The following UNC93A variants were observed in gnomAD, a reference collection of about 807,000 sequenced individuals.
UNC93A encodes N-acetylglucosamine transporter UNC93A.
UNC93A carries 43 observed loss-of-function variants against 47.5 expected under a neutral mutation model. The ratio of observed to expected loss-of-function variants is 0.91; its 90% CI spans 0.71 to 1.17. The LOEUF (loss-of-function observed/expected upper bound fraction) is 1.17, where lower values mean the gene tolerates loss of function less well. UNC93A is among the 50% of genes most tolerant of loss of function. UNC93A has a pLI of 0.00. For synonymous variants in UNC93A, 280 were observed against 258.0 expected, an observed-to-expected ratio of 1.09 and a Z score of -0.82; for missense variants, 605 against 577.6, an observed-to-expected ratio of 1.05 and a Z score of -0.49.
At chr6:167,277,321 C>A (rs111818920) in intron 1 of UNC93A, among the ~76,000 whole-genome samples, 1 of 152,228 alleles carries the variant, frequency 6.6e-6, no homozygotes, top group Non-Finnish European at 1.5e-5. Flanking sequence ...CCTGCCTTGG[C>A]GACCTACCCT....
chr6:167,278,467 C>CT (rs1783579592), intron 1 of UNC93A, among the ~76,000 whole-genome samples: 2 of 152,206 alleles, frequency 1.3e-5, no homozygotes, highest in Admixed American at 1.3e-4. Context: ...CTGCTGGGAT[C>CT]ATGAGGACCC....
intron 1 of UNC93A, among the ~76,000 whole-genome samples, chr6:167,283,261 T>C (rs999567128): frequency 6.6e-6 from 1 of 152,220 alleles, no homozygotes; most frequent in African/African-American, 2.4e-5. Context: ...TGTCATGTGA[T>C]GCTATAATAG....
chr6:167,292,656 G>A (rs1016797103), intron 1 of UNC93A, among the ~76,000 whole-genome samples: 2 of 152,186 alleles, frequency 1.3e-5, no homozygotes, highest in Non-Finnish European at 1.5e-5. Context: ...TTGCCGCAAT[G>A]GTTCATTACT....
At chr6:167,308,863 G>T (rs1778477724) in intron 7 of UNC93A, among the ~76,000 whole-genome samples, 1 of 152,136 alleles carries the variant, frequency 6.6e-6, no homozygotes, top group Non-Finnish European at 1.5e-5. Context: ...GAGCCGGGAG[G>T]GCTGGTTGTC....
At chr6:167,293,149 G>A (rs1368353107) in intron 1 of UNC93A, among the ~76,000 whole-genome samples, 1 of 152,138 alleles carries the variant, frequency 6.6e-6, no homozygotes, top group East Asian at 1.9e-4. Flanking sequence ...GTGCCTCATT[G>A]GGGAATCACT....
upstream of UNC93A, among the ~76,000 whole-genome samples, chr6:167,287,431 T>G (rs1783757036): frequency 6.6e-6 from 1 of 152,152 alleles, no homozygotes; most frequent in East Asian, 1.9e-4. Flanking sequence ...ACTTCTTCTC[T>G]CCATGGGAAT....
chr6:167,315,063 T>C (rs1778653999), intron 7 of UNC93A, 124 bp from the exon 8 acceptor site: 3 of 1,409,856 alleles, frequency 2.1e-6, no homozygotes, highest in South Asian at 1.4e-5. Context: ...CATTCTGTTG[T>C]GAAAAAAGAA....
intron 1 of UNC93A, among the ~76,000 whole-genome samples, chr6:167,275,441 G>T (rs1783523301): frequency 6.6e-6 from 1 of 152,216 alleles, no homozygotes; most frequent in Non-Finnish European, 1.5e-5. Context: ...GTTTCCAGGA[G>T]CTGGCACTCT....
chr6:167,315,299 G>A lies in UNC93A; in HGVS notation c.1221G>A (p.Val407=), dbSNP rs1456882653. 1 of 1,613,686 alleles carries A rather than the reference G, an allele frequency of 6.2e-7. No individual in the cohort carries two copies. Among genetic ancestry groups the A allele is most frequent in the Non-Finnish European group, 8.5e-7 (1 of 1,179,834 alleles). The change falls in exon 8 of 8, where the codon GTG becomes GTA. Residue 407 remains valine, a synonymous_variant. Transcript: ENST00000230256. ...IAFGYSMFLC[V]HVKLYILLGV... is the part of the protein sequence containing the mutation. ...TCGGGTACAGCATGTTTTTGTGCGT[G>A]CACGTCAAGCTCTACATTCTGCTGG... is the stretch of plus-strand genomic sequence containing the variant.
rs559719152 is a variant in UNC93A, at chr6:167,298,665, G to T, written c.625+595G>T. On this transcript the variant is annotated intron_variant, in intron 4 of 7. Coordinates refer to ENST00000230256, the MANE Select transcript of UNC93A (RefSeq NM_018974.4). ...AAGGGCTGCCCAAAGGAAGTTAATT[G>T]TCATGACGAGGCTCATTCTTAGAAG... Among the ~76,000 whole-genome samples, 42 of 152,122 alleles carry T rather than the reference G, an allele frequency of 2.8e-4. 1 individual carries two copies. The highest frequency in any genetic ancestry group is 1.0e-3 in the African/African-American group (42 of 41,480).
intron 1 of UNC93A, among the ~76,000 whole-genome samples, chr6:167,272,295 C>T (rs1219871039): frequency 6.6e-6 from 1 of 152,196 alleles, no homozygotes; most frequent in East Asian, 1.9e-4. Context: ...GGCAGACGTG[C>T]AGGTGGCACA....
At position 167,279,213 on chromosome 6, in the gene UNC93A, CTT is replaced by C. The variant is rs548461979; in HGVS notation, c.-52+7757_-52+7758del. Among the ~76,000 whole-genome samples the C allele has an allele frequency of 3.2e-3, 493 of 152,254 alleles. 5 individuals carry two copies. The highest frequency in any genetic ancestry group is 0.012 in the African/African-American group (479 of 41,528). On this transcript the variant is annotated intron_variant, in intron 1 of 3. Coordinates refer to the UNC93A transcript ENST00000503433. ...GTTGTCTTTGAACTATTTTACAACT[CTT>C]TGAGAATTGCAGGTAACTGACGGAG... is the stretch of plus-strand genomic sequence containing the variant.
chr6:167,305,857 G>A, intron 5 of UNC93A, 58 bp from the exon 6 acceptor site: 2 of 1,610,890 alleles, frequency 1.2e-6, no homozygotes, highest in Non-Finnish European at 1.7e-6. Flanking sequence ...TGCAGCTTTA[G>A]CTTGAGCACG....
intron 1 of UNC93A, among the ~76,000 whole-genome samples, chr6:167,275,350 T>C (rs1177041265): frequency 6.6e-6 from 1 of 152,212 alleles, no homozygotes; most frequent in Non-Finnish European, 1.5e-5. Flanking sequence ...TGGCTTTCTA[T>C]CTGTTGGAAT....
chr6:167,288,449 TACACACACACAC>T (rs10586281), upstream of UNC93A, among the ~76,000 whole-genome samples: 4,732 of 134,792 alleles, frequency 0.035, 142 homozygotes, highest in East Asian at 0.17. Flanking sequence ...TGTTCTTCCT[TACACACACACAC>T]ACACACACAC....
chr6:167,289,857 A>T (rs762604083), upstream of UNC93A, among the ~76,000 whole-genome samples: 2 of 152,204 alleles, frequency 1.3e-5, no homozygotes, highest in Non-Finnish European at 2.9e-5. Context: ...TAACACGGTT[A>T]GTATGAAGAA....
upstream of UNC93A, among the ~76,000 whole-genome samples, chr6:167,286,688 C>T (rs989108022): frequency 6.6e-6 from 1 of 152,028 alleles, no homozygotes; most frequent in East Asian, 1.9e-4. Flanking sequence ...CTAGAAAATT[C>T]AAGCATCAGC....
chr6:167,304,557 T>G (rs1778328984), intron 5 of UNC93A, among the ~76,000 whole-genome samples: 1 of 18,526 alleles, frequency 5.4e-5, no homozygotes. Flanking sequence ...ATCTCTCTAG[T>G]TTTTTTTTTT....
intron 1 of UNC93A, among the ~76,000 whole-genome samples, chr6:167,275,422 T>G (rs1051973730): frequency 2.0e-5 from 3 of 152,226 alleles, no homozygotes; most frequent in African/African-American, 7.2e-5. Flanking sequence ...GTCCTGAGAA[T>G]GCAAATCAGT....
Sources: allele counts gnomAD v4.1 joint callset (sites outside exome capture counted in the v4.1 genomes callset), GRCh38; gene constraint gnomAD v4.1.1; transcripts MANE v1.5; gene names NCBI Gene and HGNC (gene_info 2026-07-23, HGNC 2026-07-21).